RBM47: variants seen among roughly 807,000 people sequenced by gnomAD.
RBM47 encodes RNA-binding protein 47.
Under a neutral mutation model 47.1 loss-of-function variants are expected in RBM47, and 21 were observed. That is an observed-to-expected ratio of 0.45 (90% CI 0.32 to 0.64). The LOEUF (loss-of-function observed/expected upper bound fraction) is 0.64, where lower values mean the gene tolerates loss of function less well. Among genes scored for constraint, RBM47 ranks in the 30% least tolerant of loss-of-function variants. RBM47 has a pLI of 0.05. For missense variants in RBM47, 708 were observed against 870.9 expected, an observed-to-expected ratio of 0.81 and a Z score of 2.35; for synonymous variants, 375 against 361.7, an observed-to-expected ratio of 1.04 and a Z score of -0.42.
rs1453369881 is a variant in RBM47, at chr4:40,600,996, A to AG, written c.-240+28399_-240+28400insC. Among the ~76,000 whole-genome samples the AG allele has an allele frequency of 9.7e-4, 145 of 150,106 alleles. 3 individuals carry two copies. Among genetic ancestry groups the AG allele is most frequent in the African/African-American group, 3.3e-3 (135 of 40,716 alleles). ...GTGAAACTCCGTCTCAAAAAAAAAA[A>AG]AAAAAAGAAAGAAGAACATAAAAAA... is the stretch of plus-strand genomic sequence containing the variant. On this transcript the variant is annotated intron_variant, in intron 1 of 6. Coordinates refer to ENST00000295971, the MANE Select transcript of RBM47 (RefSeq NM_001098634.2).
At chr4:40,437,119 T>TATATAAC (rs1712691065) in intron 4 of RBM47, among the ~76,000 whole-genome samples, 1 of 72,738 alleles carries the variant, frequency 1.4e-5, no homozygotes, top group African/African-American at 9.0e-5. Flanking sequence ...ATAAAATACA[T>TATATAAC]ATATATATAT....
At chr4:40,493,375 T>G (rs1445517932) in intron 2 of RBM47, among the ~76,000 whole-genome samples, 2 of 152,054 alleles carry the variant, frequency 1.3e-5, no homozygotes, top group African/African-American at 4.8e-5. Flanking sequence ...CATTCTGGGG[T>G]GGATGTAAGA....
intron 2 of RBM47, among the ~76,000 whole-genome samples, chr4:40,540,992 A>G (rs1210376199): frequency 1.3e-5 from 2 of 151,984 alleles, no homozygotes; most frequent in Admixed American, 1.3e-4. Context: ...AATGACCTGG[A>G]CTTTTTTTGA....
rs368091277 is a variant in RBM47, at chr4:40,470,516, G to A, written c.-154-3817C>T. Among the ~76,000 whole-genome samples the A allele has an allele frequency of 7.0e-4, 107 of 152,170 alleles. 1 individual carries two copies. The highest frequency in any genetic ancestry group is 2.1e-3 in the African/African-American group (88 of 41,526). On this transcript the variant is annotated intron_variant, in intron 2 of 6. Transcript: ENST00000295971. ...TCTTCTATTTGTGTCTTGACGTGTCGTATGTAGTTTTGAAAGCTGTTTCAA... is the reference window on the plus strand; with the variant it reads ...TCTTCTATTTGTGTCTTGACGTGTCATATGTAGTTTTGAAAGCTGTTTCAA...
At chr4:40,438,990 G>A in intron 3 of RBM47, 66 bp from the exon 4 acceptor site, 4 of 1,364,630 alleles carry the variant, frequency 2.9e-6, no homozygotes, top group Admixed American at 2.8e-5. Context: ...GTTGTGTTTC[G>A]CAGCCTTGCA....
At chr4:40,513,971 G>A (rs922573331) in intron 2 of RBM47, among the ~76,000 whole-genome samples, 19 of 152,104 alleles carry the variant, frequency 1.2e-4, no homozygotes, top group African/African-American at 4.1e-4. Flanking sequence ...CACCCACCTC[G>A]GCCTTCCAAA....
chr4:40,528,322 T>A (rs1165546543), intron 2 of RBM47, among the ~76,000 whole-genome samples: 2 of 151,730 alleles, frequency 1.3e-5, no homozygotes, highest in Admixed American at 6.6e-5. Context: ...GGCAGGAGAA[T>A]CCCTTGAAAC....
At chr4:40,480,464 C>T (rs1720234709) in intron 2 of RBM47, among the ~76,000 whole-genome samples, 2 of 152,140 alleles carry the variant, frequency 1.3e-5, no homozygotes, top group African/African-American at 4.8e-5. Context: ...CTCTACCTAC[C>T]TACCCATGTT....
chr4:40,439,908 C>A (rs1302124137), intron 3 of RBM47, among the ~76,000 whole-genome samples: 2 of 152,180 alleles, frequency 1.3e-5, no homozygotes, highest in Middle Eastern at 3.2e-3. Context: ...GCTAGAAAAG[C>A]TGTCACTTGC....
chr4:40,447,797 T>G (rs920510821), intron 3 of RBM47, among the ~76,000 whole-genome samples: 1 of 152,076 alleles, frequency 6.6e-6, no homozygotes, highest in Non-Finnish European at 1.5e-5. Flanking sequence ...GATCACAAGG[T>G]CAGGAGATCG....
chr4:40,448,252 A>C (rs907355127), intron 3 of RBM47, among the ~76,000 whole-genome samples: 1 of 150,096 alleles, frequency 6.7e-6, no homozygotes, highest in African/African-American at 2.5e-5. Context: ...CAGCTCTTGG[A>C]GTGTGACTGT....
chr4:40,437,178 T>TAC (rs1225753818), intron 4 of RBM47, among the ~76,000 whole-genome samples: 28 of 134,670 alleles, frequency 2.1e-4, no homozygotes, highest in African/African-American at 7.2e-4. Context: ...ATATAATACA[T>TAC]ATATATATAC....
intron 1 of RBM47, among the ~76,000 whole-genome samples, chr4:40,557,404 T>C (rs1232270041): frequency 1.3e-5 from 2 of 152,306 alleles, no homozygotes; most frequent in African/African-American, 4.8e-5. Context: ...TGCTCATCTG[T>C]GTTCCCAGCA....
intron 3 of RBM47, among the ~76,000 whole-genome samples, chr4:40,440,794 A>T (rs578233698): frequency 1.2e-4 from 18 of 152,330 alleles, no homozygotes; most frequent in Admixed American, 1.1e-3. Flanking sequence ...TAACCTCATT[A>T]AGTTTAGAGG....
At chr4:40,535,371 C>CTTTTTTTTTTTTTTTTTCTTTTTTTTTTT (rs1553897873) in intron 2 of RBM47, among the ~76,000 whole-genome samples, 1 of 103,460 alleles carries the variant, frequency 9.7e-6, no homozygotes. Context: ...TATGGTATTT[C>CTTTTTTTTTTTTTTTTTCTTTTTTTTTTT]TTTTTTTTTT....
At chr4:40,553,893 T>C (rs1729813407) in intron 1 of RBM47, among the ~76,000 whole-genome samples, 2 of 152,310 alleles carry the variant, frequency 1.3e-5, no homozygotes, top group East Asian at 1.9e-4. Context: ...AAGAAGTTCT[T>C]TGCGATCAGA....
At chr4:40,542,230 C>T (rs1203634757) in intron 2 of RBM47, among the ~76,000 whole-genome samples, 1 of 152,148 alleles carries the variant, frequency 6.6e-6, no homozygotes, top group East Asian at 1.9e-4. Context: ...AAAGATTCTT[C>T]CAGAAATTTG....
chr4:40,533,972 C>T (rs1384838507), intron 2 of RBM47, among the ~76,000 whole-genome samples: 4 of 151,860 alleles, frequency 2.6e-5, no homozygotes, highest in Non-Finnish European at 4.4e-5. Context: ...TGCACCACCA[C>T]GCCCGGCTAA....
intron 1 of RBM47, among the ~76,000 whole-genome samples, chr4:40,590,636 C>T (rs1379997050): frequency 1.3e-5 from 2 of 152,166 alleles, no homozygotes; most frequent in Admixed American, 6.5e-5. Context: ...GCGGAACAAC[C>T]CAATATCCAT....
Sources: allele counts gnomAD v4.1 joint callset (sites outside exome capture counted in the v4.1 genomes callset), GRCh38; gene constraint gnomAD v4.1.1; transcripts MANE v1.5; gene names NCBI Gene and HGNC (gene_info 2026-07-23, HGNC 2026-07-21).